The following MANBAL variants were observed in gnomAD, a reference collection of about 807,000 sequenced individuals.
The protein encoded by MANBAL is mannosidase beta like.
A neutral mutation model predicts 6.4 loss-of-function variants in MANBAL; 1 was observed. The ratio of observed to expected loss-of-function variants is 0.16; its 90% confidence interval spans 0.06 to 0.74. MANBAL has a LOEUF of 0.74. Among genes scored for constraint, MANBAL ranks in the 30% least tolerant of loss-of-function variants. The pLI is 0.78. For synonymous variants in MANBAL, 47 were observed against 45.8 expected, an observed-to-expected ratio of 1.03 and a Z score of -0.10; for missense variants, 100 against 107.8, an observed-to-expected ratio of 0.93 and a Z score of 0.32.
intron 1 of MANBAL, among the ~76,000 whole-genome samples, chr20:37,291,733 TCTC>T (rs1257126224): frequency 1.3e-5 from 2 of 152,138 alleles, no homozygotes; most frequent in Non-Finnish European, 2.9e-5. Flanking sequence ...CCCATGCTAT[TCTC>T]CTGATAGTGA....
At chr20:37,299,518 T>G (rs2146800022) in intron 1 of MANBAL, among the ~76,000 whole-genome samples, 1 of 152,380 alleles carries the variant, frequency 6.6e-6, no homozygotes, top group South Asian at 2.1e-4. Flanking sequence ...CATGTGTGGC[T>G]CATGGCCACC....
chr20:37,299,426 CTTA>C (rs777985902), intron 1 of MANBAL, among the ~76,000 whole-genome samples: 28 of 152,280 alleles, frequency 1.8e-4, no homozygotes, highest in Middle Eastern at 6.8e-3. Flanking sequence ...AGATTACATT[CTTA>C]TTTTCATACT....
chr20:37,304,211 TGTAG>T (rs1192993611), intron 2 of MANBAL, among the ~76,000 whole-genome samples: 1 of 152,226 alleles, frequency 6.6e-6, no homozygotes, highest in African/African-American at 2.4e-5. Context: ...TTTTTCTCTG[TGTAG>T]GTCTCCCATC....
chr20:37,316,328 C>T lies in MANBAL; in HGVS notation c.171C>T (p.Pro57=). 6.2e-7 allele frequency: 1 copy of T among 1,613,706 alleles called. No individual in the cohort carries two copies. The highest frequency in any genetic ancestry group is 8.5e-7 in the Non-Finnish European group (1 of 1,179,836). Residue 57 remains proline (P), a synonymous_variant, in exon 3 of 3, where the codon CCC becomes CCT. Coordinates refer to ENST00000373606, the MANE Select transcript of MANBAL (RefSeq NM_001003897.2). The part of the protein sequence containing the change: ...SHEAEAEPSE[P]RSAEVTRKPK... ...CACAGGAGGCTGAACCGTCTGAGCC[C>T]AGAAGTGCTGAGGTGACGAGGAAGC...
intron 1 of MANBAL, among the ~76,000 whole-genome samples, chr20:37,291,879 G>T (rs932488244): frequency 2.0e-5 from 3 of 152,200 alleles, no homozygotes; most frequent in African/African-American, 2.4e-5. Context: ...ACCCACCCAT[G>T]TGGAACCGTG....
intron 2 of MANBAL, among the ~76,000 whole-genome samples, chr20:37,316,057 G>C (rs1355734158): frequency 3.3e-5 from 5 of 152,202 alleles, no homozygotes; most frequent in African/African-American, 1.2e-4. Context: ...GAAAGGGAAG[G>C]ATCCCAGGTT....
intron 1 of MANBAL, among the ~76,000 whole-genome samples, chr20:37,292,661 A>C (rs1286546944): frequency 1.3e-5 from 2 of 152,136 alleles, no homozygotes; most frequent in Non-Finnish European, 2.9e-5. Flanking sequence ...ATCCAGTACT[A>C]CTTTATTTTG....
rs577909466 is a variant in MANBAL, at chr20:37,293,465, C to T, written c.-57+3779C>T. On this transcript the variant is annotated intron_variant, in intron 1 of 2. Coordinates refer to ENST00000373606, the MANE Select transcript of MANBAL (RefSeq NM_001003897.2). ...GATCTGATAGGAGGTGGAACTCAGA[C>T]GGTAATGTGAGTGATGGGGAGCGGC... Among the ~76,000 whole-genome samples the T allele has an allele frequency of 1.4e-4, 22 of 152,238 alleles. 1 individual carries two copies. The highest frequency in any genetic ancestry group is 2.1e-4 in the South Asian group (1 of 4,820).
intron 2 of MANBAL, among the ~76,000 whole-genome samples, chr20:37,308,610 C>G (rs1359030741): frequency 1.3e-5 from 2 of 152,102 alleles, no homozygotes; most frequent in Non-Finnish European, 2.9e-5. Flanking sequence ...TATGCCTAGG[C>G]ACATTTTCTG....
intron 1 of MANBAL, among the ~76,000 whole-genome samples, chr20:37,297,995 A>C (rs1369131544): frequency 6.6e-6 from 1 of 152,134 alleles, no homozygotes; most frequent in East Asian, 1.9e-4. Context: ...ACAGAAATAT[A>C]ATACAGACTA....
At chr20:37,311,734 G>A (rs2069391976) in intron 2 of MANBAL, among the ~76,000 whole-genome samples, 1 of 152,206 alleles carries the variant, frequency 6.6e-6, no homozygotes, top group African/African-American at 2.4e-5. Context: ...TGATCCACCT[G>A]CCTTGGCTTC....
intron 1 of MANBAL, chr20:37,296,973 T>C (rs1286686437): frequency 6.6e-6 from 1 of 152,238 alleles, no homozygotes; most frequent in African/African-American, 2.4e-5. Context: ...ATGTTGCTGT[T>C]AGTAGTAACA....
chr20:37,299,043 A>G lies in MANBAL; in HGVS notation c.-56-2165A>G, dbSNP rs377533813. Among the ~76,000 whole-genome samples, 350 of 107,974 alleles carry G rather than the reference A, an allele frequency of 3.2e-3. 3 individuals are homozygous for G. Among genetic ancestry groups the G allele is most frequent in the African/African-American group, 0.012 (335 of 28,876 alleles). 70.8% of individuals were successfully genotyped at this position (107,974 alleles called of 152,430 possible). On this transcript the variant is annotated intron_variant, in intron 1 of 2. Transcript: ENST00000373606. ...GGGCGTAACCCACCATGCCCAGCCAATTATTTTTTACGTGTATTTTTTGGT... is the reference window on the plus strand; with the variant it reads ...GGGCGTAACCCACCATGCCCAGCCAGTTATTTTTTACGTGTATTTTTTGGT...
At chr20:37,304,879 A>C (rs186044909) in intron 2 of MANBAL, among the ~76,000 whole-genome samples, 86 of 152,316 alleles carry the variant, frequency 5.6e-4, no homozygotes, top group African/African-American at 2.0e-3. Flanking sequence ...GTTGACCAGC[A>C]TGTGGGAGTT....
intron 2 of MANBAL, among the ~76,000 whole-genome samples, chr20:37,306,220 C>G (rs1244412946): frequency 6.6e-6 from 1 of 152,196 alleles, no homozygotes; most frequent in African/African-American, 2.4e-5. Flanking sequence ...CCTATAGAAA[C>G]AGGGTTTATT....
intron 1 of MANBAL, among the ~76,000 whole-genome samples, chr20:37,294,107 A>G (rs2146786419): frequency 1.3e-5 from 2 of 152,248 alleles, no homozygotes; most frequent in Admixed American, 1.3e-4. Context: ...TTTTAAAAAT[A>G]TTTGCATACA....
chr20:37,303,643 G>C (rs967836470), intron 2 of MANBAL, among the ~76,000 whole-genome samples: 8 of 152,218 alleles, frequency 5.3e-5, no homozygotes, highest in South Asian at 2.1e-4. Flanking sequence ...AGGATACCAG[G>C]TATGGCGGCA....
In MANBAL at chr20:37,301,302, C is replaced by T. The variant is rs749539337; in HGVS notation, c.39C>T (p.Pro13=). ...SDLDFSPPEV[P]EPTFLENLLR... ...TAGACTTCTCACCTCCGGAGGTGCC[C>T]GAGCCCACTTTCCTGGAGAACCTGC... Residue 13 remains proline, a synonymous_variant, in exon 2 of 3, where the codon CCC becomes CCT. Transcript: ENST00000373606. 1.9e-5 allele frequency: 31 copies of T among 1,611,368 alleles called. No individual in the cohort carries two copies. Among genetic ancestry groups the T allele is most frequent in the East Asian group, 8.9e-5 (4 of 44,822 alleles).
At chr20:37,293,160 T>C (rs2068912151) in intron 1 of MANBAL, among the ~76,000 whole-genome samples, 1 of 152,084 alleles carries the variant, frequency 6.6e-6, no homozygotes, top group Non-Finnish European at 1.5e-5. Flanking sequence ...GTGGGGATGG[T>C]TTTGGGATGA....
Sources: gnomAD v4.1 joint callset for allele counts (sites outside exome capture counted in the v4.1 genomes callset) on GRCh38, gnomAD v4.1.1 for gene constraint, MANE v1.5 for transcripts, NCBI Gene and HGNC (gene_info 2026-07-23, HGNC 2026-07-21) for gene names.